The following SLC16A5 variants were observed in gnomAD, a reference collection of about 807,000 sequenced individuals.
SLC16A5 encodes monocarboxylate transporter 6.
Under a neutral mutation model 33.2 loss-of-function variants are expected in SLC16A5, and 29 were observed. The observed-to-expected ratio is 0.87, with a 90% CI of 0.65 to 1.19. SLC16A5 has a LOEUF of 1.19. SLC16A5 is among the 50% of genes most tolerant of loss of function. SLC16A5 has a pLI of 0.00. For synonymous variants in SLC16A5, 248 were observed against 284.1 expected (o/e 0.87, Z 1.28); for missense variants, 606 against 678.2 (o/e 0.89, Z 1.18).
Position 75,104,181 on chromosome 17 carries a change from G to A in SLC16A5, c.1364+1G>A. The A allele has an allele frequency of 6.2e-7, 1 of 1,613,926 alleles. No homozygotes were observed. The highest frequency in any genetic ancestry group is 8.5e-7 in the Non-Finnish European group (1 of 1,179,984). On this transcript the variant is annotated splice_donor_variant, in intron 6 of 6. Transcript: ENST00000329783. LOFTEE classifies it high-confidence loss of function. ...GGAAGCAACGGTCCCCTGAGATCAT[G>A]TATGTAACCAGCGTCTAAGACCCAG...
intron 3 of SLC16A5, among the ~76,000 whole-genome samples, 188 bp from the exon 4 acceptor site, chr17:75,097,850 C>T (rs965992907): frequency 5.3e-5 from 8 of 152,270 alleles, no homozygotes; most frequent in Admixed American, 1.3e-4. Context: ...AATTGAGGCA[C>T]GGAGAGGGAT....
Position 75,100,788 on chromosome 17 carries a change from T to G in SLC16A5, c.1125T>G (p.Leu375=). 1 of 1,606,150 alleles carries G rather than the reference T, an allele frequency of 6.2e-7. No individual in the cohort carries two copies. ...GACTCTTCACTGTCCTGGACGGCCT[T>G]GCTTTCCTCATCTCCCCACCACTGG... The part of the protein sequence containing the change: ...ALGLFTVLDG[L]AFLISPPLAG... Residue 375 remains leucine, a synonymous_variant, in exon 5 of 7, where the codon CTT becomes CTG. Transcript: ENST00000329783.
At chr17:75,102,704 T>A (rs2073815270) in intron 5 of SLC16A5, among the ~76,000 whole-genome samples, 1 of 151,852 alleles carries the variant, frequency 6.6e-6, no homozygotes, top group Admixed American at 6.6e-5. Flanking sequence ...AGTGTGGCGT[T>A]GGAAGGCCCA....
chr17:75,109,135 C>G (rs182389398), downstream of SLC16A5, among the ~76,000 whole-genome samples: 7 of 152,168 alleles, frequency 4.6e-5, no homozygotes, highest in Non-Finnish European at 1.0e-4. This position sits in a 1 kb window ranked among gnomAD's most constrained non-coding sequence, Gnocchi z 5.0. Context: ...ATCACACACC[C>G]GCTTCCTGAT....
rs57580810 is a variant in SLC16A5 at position 75,098,482 on chromosome 17, C to A, written c.343+301C>A. Among the ~76,000 whole-genome samples the A allele has an allele frequency of 8.6e-3, 1,309 of 152,120 alleles. 11 individuals are homozygous for A. Among genetic ancestry groups the A allele is most frequent in the African/African-American group, 0.03 (1,238 of 41,516 alleles). On this transcript the variant is annotated intron_variant, in intron 4 of 6. Transcript: ENST00000329783. The stretch of plus-strand genomic sequence containing the variant: ...TCGAGGCTGAGGCAGGAGAATCGCC[C>A]GGGAAGTGGAGGTTGCAGTGAGCCA...
chr17:75,101,412 T>A (rs1005040191), intron 5 of SLC16A5, among the ~76,000 whole-genome samples: 2 of 148,556 alleles, frequency 1.3e-5, no homozygotes, highest in Non-Finnish European at 3.0e-5. Context: ...TACAAAAAAA[T>A]TAGCTGGGTG....
At chr17:75,108,534 C>T (rs1191579038), downstream of SLC16A5, among the ~76,000 whole-genome samples, 2 of 152,168 alleles carry the variant, frequency 1.3e-5, no homozygotes, top group African/African-American at 4.8e-5. Flanking sequence ...CTGCCTTCAT[C>T]CGGGCCCAGG....
Position 75,093,673 on chromosome 17 carries a change from G to A in SLC16A5, c.37G>A (p.Ala13Thr), listed in dbSNP as rs778425643. The A allele has an allele frequency of 1.2e-6, 2 of 1,613,654 alleles. No homozygotes were observed. The highest frequency in any genetic ancestry group is 1.7e-5 in the Admixed American group (1 of 60,022). The change falls in exon 3 of 7, where the codon GCC becomes ACC. Residue 13 changes from alanine (A) to threonine (T), a missense_variant. Coordinates refer to ENST00000329783, the MANE Select transcript of SLC16A5 (RefSeq NM_004695.4). ...QALERADGSW[A>T]WVVLLATMVT... ...CCTGGAGCGTGCAGATGGCAGCTGGGCCTGGGTGGTGCTGCTGGCCACCAT... is the reference window on the plus strand; with the variant it reads ...CCTGGAGCGTGCAGATGGCAGCTGGACCTGGGTGGTGCTGCTGGCCACCAT...
Position 75,106,098 on chromosome 17 carries a change from C to A in SLC16A5, c.*65C>A. 4.0e-6 allele frequency: 3 copies of A among 742,264 alleles called. No individual in the cohort carries two copies. Among genetic ancestry groups the A allele is most frequent in the Non-Finnish European group, 6.3e-6 (3 of 474,892 alleles). The allele number at this position is 742,264 out of a possible 1,614,324, so 46.0% of individuals were successfully genotyped here. A position where few individuals can be genotyped will look rare whatever the true frequency, so the allele number is the denominator to read the frequency against. ...GGGCAAATTGTTGACCACCTCTGAG[C>A]CTTGAAAAAGTAGGAGGTTACTTTG... On this transcript the variant is annotated 3_prime_UTR_variant, in exon 7 of 7. Coordinates refer to ENST00000329783, the MANE Select transcript of SLC16A5 (RefSeq NM_004695.4).
chr17:75,092,230 G>A (rs565539656), intron 2 of SLC16A5, among the ~76,000 whole-genome samples: 1 of 152,132 alleles, frequency 6.6e-6, no homozygotes, highest in East Asian at 1.9e-4. Context: ...CTGTGTGTGA[G>A]TTCGTATGTT....
At chr17:75,104,260 CT>C in intron 6 of SLC16A5, 80 bp downstream of exon 6, 5 of 1,555,436 alleles carry the variant, frequency 3.2e-6, no homozygotes, top group Non-Finnish European at 4.4e-6. Flanking sequence ...TGAACACTGT[CT>C]CAGCCCAGCC....
intron 4 of SLC16A5, 131 bp from the exon 5 acceptor site, chr17:75,099,876 A>G (rs55633524): frequency 0.03 from 26,120 of 863,840 alleles, 619 homozygotes; most frequent in African/African-American, 0.1. Flanking sequence ...GTCAGTCCCC[A>G]GGGACTTGGA....
Position 75,100,372 on chromosome 17 carries a change from GGC to G in SLC16A5, c.710_711del (p.Gly237ValfsTer65). On this transcript the variant is annotated frameshift_variant, in exon 5 of 7. Transcript: ENST00000329783. LOFTEE classifies it high-confidence loss of function. ...CTTCGACATCCTGCGGCACAACACA[GGC>G]TACTGCGTGTACATACTGGGTGTGA... is the stretch of plus-strand genomic sequence containing the variant. The part of the protein sequence containing the change: ...LAFDILRHNT[G>X]YCVYILGVMW... 1 of 1,614,220 alleles carries G rather than the reference GGC, an allele frequency of 6.2e-7. No individual in the cohort carries two copies. The highest frequency in any genetic ancestry group is 8.5e-7 in the Non-Finnish European group (1 of 1,180,050).
At chr17:75,102,441 TTACCTTC>T (rs2073811711) in intron 5 of SLC16A5, among the ~76,000 whole-genome samples, 1 of 152,138 alleles carries the variant, frequency 6.6e-6, no homozygotes, top group Non-Finnish European at 1.5e-5. Context: ...CCCTGGGGGA[TTACCTTC>T]TAGGGCAGGA....
intron 5 of SLC16A5, among the ~76,000 whole-genome samples, chr17:75,102,464 G>C (rs1279760870): frequency 1.3e-5 from 2 of 152,232 alleles, no homozygotes; most frequent in Non-Finnish European, 2.9e-5. Context: ...CAGGAGTCAG[G>C]AGTGAAAACA....
chr17:75,104,291 T>G (rs2073836902), intron 6 of SLC16A5, 111 bp downstream of exon 6: 1 of 1,510,334 alleles, frequency 6.6e-7, no homozygotes, highest in South Asian at 1.3e-5. Context: ...GACCTCTAGC[T>G]CCTTCACCAG....
chr17:75,099,456 G>A (rs1201168091), intron 4 of SLC16A5, among the ~76,000 whole-genome samples: 1 of 152,106 alleles, frequency 6.6e-6, no homozygotes, highest in African/African-American at 2.4e-5. Flanking sequence ...TCACTCTGTT[G>A]CCCAGGCTGG....
Position 75,100,650 on chromosome 17 carries a change from G to A in SLC16A5, c.987G>A (p.Trp329Ter), listed in dbSNP as rs1431487118. ...TGTGTGCGGCATCAGGTGACTTCTGGGTGCTCGTGGGCTACTGCCTGGCGT... is the reference window on the plus strand; with the variant it reads ...TGTGTGCGGCATCAGGTGACTTCTGAGTGCTCGTGGGCTACTGCCTGGCGT... Reference protein sequence around the residue: ...NLVCAASGDFWVLVGYCLAYS... With the variant: ...NLVCAASGDF Residue 329 changes from tryptophan to a stop codon, truncating the protein, a stop_gained, in exon 5 of 7, where the codon TGG becomes TGA. Coordinates refer to ENST00000329783, the MANE Select transcript of SLC16A5 (RefSeq NM_004695.4). LOFTEE classifies it high-confidence loss of function. 1 of 1,614,180 alleles carries A rather than the reference G, an allele frequency of 6.2e-7. No individual in the cohort carries two copies.
At chr17:75,109,908 G>A (rs952543788), downstream of SLC16A5, 5 of 210,086 alleles carry the variant, frequency 2.4e-5, no homozygotes, top group Admixed American at 5.4e-5. This position sits in a 1 kb window ranked among gnomAD's most constrained non-coding sequence, Gnocchi z 5.0. Context: ...GCGCGCCAAG[G>A]AGTTCGGCGA....
Sources: allele counts gnomAD v4.1 joint callset (sites outside exome capture counted in the v4.1 genomes callset), GRCh38; gene constraint gnomAD v4.1.1; non-coding constraint Gnocchi (gnomAD v3.1); transcripts MANE v1.5; gene names NCBI Gene and HGNC (gene_info 2026-07-23, HGNC 2026-07-21).